Variants in SNUPN observed in about 807,000 individuals in gnomAD.
SNUPN encodes the protein snurportin 1, also known as snurportin-1.
A neutral mutation model predicts 39.2 loss-of-function variants in SNUPN; 31 were observed. That is an observed-to-expected ratio of 0.79 (90% CI 0.59 to 1.07). The LOEUF (loss-of-function observed/expected upper bound fraction) is 1.07, where lower values mean the gene tolerates loss of function less well. Among genes scored for constraint, SNUPN ranks in the 50% least tolerant of loss-of-function variants. The pLI is 0.00. For synonymous variants in SNUPN, 132 were observed against 159.0 expected, an observed-to-expected ratio of 0.83 and a Z score of 1.28; for missense variants, 382 against 434.2, an observed-to-expected ratio of 0.88 and a Z score of 1.07.
At chr15:75,608,851 C>A (rs796321095) in intron 5 of SNUPN, among the ~76,000 whole-genome samples, 3 of 152,166 alleles carry the variant, frequency 2.0e-5, no homozygotes, top group African/African-American at 4.8e-5. Context: ...CAAAGATAAG[C>A]TTTCAGGCCG....
intron 8 of SNUPN, 112 bp downstream of exon 8, chr15:75,601,026 C>T: frequency 1.2e-6 from 1 of 818,274 alleles, no homozygotes. Context: ...AGCTTTGTCC[C>T]ATTCTGATGC....
At chr15:75,604,336 G>T (rs1595982360) in intron 7 of SNUPN, among the ~76,000 whole-genome samples, 1 of 151,890 alleles carries the variant, frequency 6.6e-6, no homozygotes, top group East Asian at 1.9e-4. Context: ...AATTGTTTTT[G>T]TATTTAGTAG....
chr15:75,617,605 T>C (rs997828822), intron 2 of SNUPN, 53 bp from the exon 3 acceptor site: 14 of 1,493,344 alleles, frequency 9.4e-6, no homozygotes, highest in African/African-American at 8.5e-5. Flanking sequence ...TTTTTTTTTT[T>C]AGACAGGGTC....
At chr15:75,618,327 C>CT (rs202059443) in intron 2 of SNUPN, among the ~76,000 whole-genome samples, 81 of 148,090 alleles carry the variant, frequency 5.5e-4, no homozygotes, top group Non-Finnish European at 5.7e-4. Flanking sequence ...TTAAAGAGAA[C>CT]TTTTTTTTTT....
At chr15:75,622,698 C>G (rs573307780) in intron 1 of SNUPN, among the ~76,000 whole-genome samples, 3 of 152,224 alleles carry the variant, frequency 2.0e-5, no homozygotes, top group Non-Finnish European at 2.9e-5. Context: ...GCATCAAAAT[C>G]AACAGGTTCA....
intron 1 of SNUPN, among the ~76,000 whole-genome samples, chr15:75,623,149 C>CT (rs11440076): frequency 0.38 from 56,942 of 148,760 alleles, 12,693 homozygotes; most frequent in African/African-American, 0.62. Flanking sequence ...ATAAAAGAAA[C>CT]TTTTTTTTTT....
In SNUPN at chr15:75,621,064, G is replaced by C; in HGVS notation, c.-5-8C>G. The C allele has an allele frequency of 6.2e-7, 1 of 1,613,390 alleles. No homozygotes were observed. Among genetic ancestry groups the C allele is most frequent in the Non-Finnish European group, 8.5e-7 (1 of 1,179,780 alleles). ...TCAACTCTTCCATCTTCCCTACAAA[G>C]GAAAACGTAAGAAAATGGTTCATTC... On this transcript the variant is annotated splice_polypyrimidine_tract_variant and splice_region_variant and intron_variant, in intron 1 of 8. Coordinates refer to ENST00000308588, the MANE Select transcript of SNUPN (RefSeq NM_005701.4).
intron 3 of SNUPN, among the ~76,000 whole-genome samples, chr15:75,615,456 C>G (rs929392131): frequency 1.3e-5 from 2 of 152,120 alleles, no homozygotes; most frequent in African/African-American, 2.4e-5. Context: ...CCTGTTTGTT[C>G]CCACTGCCTG....
chr15:75,603,221 GTAT>G (rs2075304414), intron 7 of SNUPN, among the ~76,000 whole-genome samples: 1 of 150,490 alleles, frequency 6.6e-6, no homozygotes, highest in Non-Finnish European at 1.5e-5. Context: ...CTAATTTTTT[GTAT>G]TTTTAGTAGA....
chr15:75,618,202 C>T (rs891395340), intron 2 of SNUPN, among the ~76,000 whole-genome samples: 33 of 152,194 alleles, frequency 2.2e-4, no homozygotes, highest in African/African-American at 7.7e-4. Context: ...TCCTGCCTAG[C>T]AGACATCTCA....
chr15:75,609,995 C>T lies in SNUPN; in HGVS notation c.304-1G>A. 1.2e-6 allele frequency: 2 copies of T among 1,612,222 alleles called. No homozygotes were observed. The highest frequency in any genetic ancestry group is 8.5e-7 in the Non-Finnish European group (1 of 1,178,376). On this transcript the variant is annotated splice_acceptor_variant, in intron 3 of 8. Coordinates refer to ENST00000308588, the MANE Select transcript of SNUPN (RefSeq NM_005701.4). LOFTEE classifies it high-confidence loss of function. ...CAATTAACCACTCAGAAAGCATCAA[C>T]TGGAAATGCAAAAAATAGTGTTAAA...
At chr15:75,623,448 C>CT (rs36102472) in intron 1 of SNUPN, among the ~76,000 whole-genome samples, 424 of 140,890 alleles carry the variant, frequency 3.0e-3, no homozygotes, top group African/African-American at 9.0e-3. Flanking sequence ...CACGCCCGGC[C>CT]TTTTTTTTTT....
intron 5 of SNUPN, 152 bp from the exon 6 acceptor site, chr15:75,607,465 G>A: frequency 3.2e-6 from 2 of 627,880 alleles, no homozygotes; most frequent in Admixed American, 5.0e-5. Flanking sequence ...GATTCACTGG[G>A]GAGAGAACCC....
chr15:75,626,440 C>G (rs865865722), upstream of SNUPN: 7 of 152,170 alleles, frequency 4.6e-5, no homozygotes, highest in Admixed American at 1.3e-4. Flanking sequence ...GAGATTAAGT[C>G]CTGCCAGGGT....
chr15:75,602,441 G>A (rs979738509), intron 7 of SNUPN, among the ~76,000 whole-genome samples: 24 of 147,556 alleles, frequency 1.6e-4, no homozygotes, highest in Non-Finnish European at 3.3e-4. Flanking sequence ...CAGAAGAATC[G>A]CTTGAACCTG....
chr15:75,607,522 C>T (rs2075340572), intron 5 of SNUPN, among the ~76,000 whole-genome samples: 1 of 152,160 alleles, frequency 6.6e-6, no homozygotes, highest in African/African-American at 2.4e-5. Flanking sequence ...GGTAAGACAG[C>T]ACAAGACGCA....
chr15:75,616,740 G>A (rs1892948334), intron 3 of SNUPN, among the ~76,000 whole-genome samples: 1 of 152,058 alleles, frequency 6.6e-6, no homozygotes, highest in Admixed American at 6.6e-5. Flanking sequence ...TGGAACACAA[G>A]AACAGTCTCT....
At chr15:75,606,595 G>A (rs2075332774) in intron 6 of SNUPN, among the ~76,000 whole-genome samples, 1 of 152,186 alleles carries the variant, frequency 6.6e-6, no homozygotes, top group Admixed American at 6.5e-5. Context: ...CTCACCTGAT[G>A]ACTGCTGCTG....
At chr15:75,610,335 G>A (rs1285858389) in intron 3 of SNUPN, among the ~76,000 whole-genome samples, 2 of 151,624 alleles carry the variant, frequency 1.3e-5, no homozygotes, top group Non-Finnish European at 1.5e-5. Context: ...GGGAGGCAGA[G>A]GTTGCAGTGA....
Sources: gnomAD v4.1 joint callset for allele counts (sites outside exome capture counted in the v4.1 genomes callset) on GRCh38, gnomAD v4.1.1 for gene constraint, MANE v1.5 for transcripts, NCBI Gene and HGNC (gene_info 2026-07-23, HGNC 2026-07-21) for gene names.